The following ARID2 variants were observed in gnomAD, a reference collection of about 807,000 sequenced individuals.
ARID2 encodes AT-rich interaction domain 2.
In ARID2, 32 loss-of-function variants were observed where a neutral mutation model predicts 184.6. The observed-to-expected ratio is 0.17, with a 90% CI of 0.13 to 0.23. The LOEUF (loss-of-function observed/expected upper bound fraction) is 0.23, where lower values mean the gene tolerates loss of function less well. Ranked by LOEUF, ARID2 falls within the 10% of genes least tolerant of loss-of-function variation. The pLI is 1.00. For missense variants in ARID2, 1,696 were observed against 2,197.6 expected (o/e 0.77, Z 4.56); for synonymous variants, 836 against 772.6 (o/e 1.08, Z -1.36).
At chr12:45,732,933 T>A (rs891527321) in intron 3 of ARID2, among the ~76,000 whole-genome samples, 1 of 152,166 alleles carries the variant, frequency 6.6e-6, no homozygotes, top group Admixed American at 6.5e-5. Context: ...AATATTGTTT[T>A]TCCAGTTGTC....
Position 45,811,491 on chromosome 12 carries a change from C to T in ARID2, c.358C>T (p.Pro120Ser), listed in dbSNP as rs1025267667. 8.1e-6 allele frequency: 13 copies of T among 1,613,768 alleles called. No homozygotes were observed. The highest frequency in any genetic ancestry group is 1.0e-5 in the Non-Finnish European group (12 of 1,179,852). Residue 120 changes from proline to serine, a missense_variant, in exon 4 of 21, where the codon CCA becomes TCA. Coordinates refer to ENST00000334344, the MANE Select transcript of ARID2 (RefSeq NM_152641.4). ...DDEVPPGNPK[P>S]QLPIGAIPSS... Reference sequence around the variant, plus strand: ...TGAGGTACCACCAGGCAATCCAAAGCCACAGCTTCCTATTGGTGCAATTCC... The same window carrying T: ...TGAGGTACCACCAGGCAATCCAAAGTCACAGCTTCCTATTGGTGCAATTCC...
chr12:45,789,021 C>T (rs1201945132), intron 3 of ARID2, among the ~76,000 whole-genome samples: 3 of 150,760 alleles, frequency 2.0e-5, no homozygotes, highest in African/African-American at 7.3e-5. Flanking sequence ...GCCTGATAAT[C>T]TATTATATTA....
intron 15 of ARID2, among the ~76,000 whole-genome samples, chr12:45,859,599 A>G (rs1394640214): frequency 2.0e-5 from 3 of 152,172 alleles, no homozygotes; most frequent in Non-Finnish European, 4.4e-5. Flanking sequence ...CCTTTGTGGT[A>G]TTTCAAGAAA....
chr12:45,829,774 C>T (rs954157475), intron 6 of ARID2, among the ~76,000 whole-genome samples: 19 of 132,248 alleles, frequency 1.4e-4, no homozygotes, highest in African/African-American at 5.4e-4. Flanking sequence ...TGTTTTCTGC[C>T]TTTTCTTCTA....
Position 45,907,053 on chromosome 12 carries a change from T to C in ARID2, c.*1975T>C. On this transcript the variant is annotated 3_prime_UTR_variant, in exon 21 of 21. Transcript: ENST00000334344. ...GAGGATCCCTGGCGCTGTCCTGCCATGTCTCAAAGGAATGTTTGAGAAACT... is the reference window on the plus strand; with the variant it reads ...GAGGATCCCTGGCGCTGTCCTGCCACGTCTCAAAGGAATGTTTGAGAAACT... 1 of 231,904 alleles carries C rather than the reference T, an allele frequency of 4.3e-6. No homozygotes were observed. The highest frequency in any genetic ancestry group is 8.5e-6 in the Non-Finnish European group (1 of 117,206). The allele number at this position is 231,904 out of a possible 1,614,324, so 14.4% of individuals were successfully genotyped here. A position where few individuals can be genotyped will look rare whatever the true frequency, so the allele number is the denominator to read the frequency against.
intron 3 of ARID2, among the ~76,000 whole-genome samples, chr12:45,792,488 G>A (rs916512935): frequency 6.6e-6 from 1 of 152,140 alleles, no homozygotes; most frequent in African/African-American, 2.4e-5. Context: ...AGTATGTTGT[G>A]CATTGTAACG....
chr12:45,807,208 A>G (rs980673040), intron 3 of ARID2, among the ~76,000 whole-genome samples: 1 of 152,154 alleles, frequency 6.6e-6, no homozygotes, highest in African/African-American at 2.4e-5. Context: ...TTTTCTCTCT[A>G]AAGTTTATTG....
At chr12:45,742,262 A>G (rs369112533) in intron 3 of ARID2, among the ~76,000 whole-genome samples, 2 of 151,796 alleles carry the variant, frequency 1.3e-5, no homozygotes, top group African/African-American at 4.9e-5. Context: ...TAATATTTTT[A>G]CTTTACCTTT....
intron 3 of ARID2, among the ~76,000 whole-genome samples, chr12:45,733,276 T>G (rs1361516243): frequency 6.6e-6 from 1 of 152,220 alleles, no homozygotes; most frequent in Non-Finnish European, 1.5e-5. Context: ...GAAAGAATTT[T>G]TTCCTGGTGG....
chr12:45,732,938 G>A (rs1395649947), intron 3 of ARID2, among the ~76,000 whole-genome samples: 1 of 151,948 alleles, frequency 6.6e-6, no homozygotes, highest in East Asian at 1.9e-4. Flanking sequence ...TGTTTTTCCA[G>A]TTGTCATTTT....
chr12:45,820,632 G>A (rs941522756), intron 5 of ARID2, among the ~76,000 whole-genome samples: 2 of 152,072 alleles, frequency 1.3e-5, no homozygotes, highest in African/African-American at 4.8e-5. Context: ...AGTTGATAAA[G>A]GATTCACTTA....
At chr12:45,740,669 A>G (rs1350820736) in intron 3 of ARID2, among the ~76,000 whole-genome samples, 1 of 152,188 alleles carries the variant, frequency 6.6e-6, no homozygotes, top group African/African-American at 2.4e-5. Flanking sequence ...TGTAGACCTT[A>G]AATCAAATTT....
intron 3 of ARID2, among the ~76,000 whole-genome samples, chr12:45,809,445 C>G (rs950836599): frequency 1.3e-5 from 2 of 152,146 alleles, no homozygotes; most frequent in African/African-American, 4.8e-5. Flanking sequence ...GAGCTTGATT[C>G]ATTTACCTAC....
intron 3 of ARID2, among the ~76,000 whole-genome samples, chr12:45,784,649 G>A (rs777945366): frequency 3.9e-5 from 6 of 152,152 alleles, no homozygotes; most frequent in African/African-American, 7.2e-5. Context: ...GAGTGACAGA[G>A]TGAGACCTTG....
At chr12:45,854,180 A>G (rs1308435536) in intron 15 of ARID2, among the ~76,000 whole-genome samples, 4 of 152,184 alleles carry the variant, frequency 2.6e-5, no homozygotes, top group Non-Finnish European at 5.9e-5. Context: ...CATTCCCCAG[A>G]TGGGACTGTC....
At chr12:45,883,193 T>C (rs1257324597) in intron 16 of ARID2, among the ~76,000 whole-genome samples, 1 of 152,180 alleles carries the variant, frequency 6.6e-6, no homozygotes, top group African/African-American at 2.4e-5. Context: ...CCTTAACTAC[T>C]GATTTGCCAT....
intron 6 of ARID2, among the ~76,000 whole-genome samples, chr12:45,826,846 G>A (rs1266440620): frequency 2.0e-5 from 3 of 151,992 alleles, no homozygotes; most frequent in Non-Finnish European, 2.9e-5. Flanking sequence ...TACATCTATC[G>A]AGTCTTTTCT....
chr12:45,808,934 T>C (rs1331093382), intron 3 of ARID2, among the ~76,000 whole-genome samples: 1 of 152,100 alleles, frequency 6.6e-6, no homozygotes, highest in Admixed American at 6.5e-5. Flanking sequence ...CCAGCTAATT[T>C]TTGTATTTCT....
At chr12:45,735,133 A>G (rs1350488922) in intron 3 of ARID2, among the ~76,000 whole-genome samples, 1 of 151,856 alleles carries the variant, frequency 6.6e-6, no homozygotes, top group African/African-American at 2.4e-5. Context: ...TTGGTGGGTA[A>G]AGCTCTTTCT....
Sources: gnomAD v4.1 joint callset for allele counts (sites outside exome capture counted in the v4.1 genomes callset) on GRCh38, gnomAD v4.1.1 for gene constraint, MANE v1.5 for transcripts, NCBI Gene and HGNC (gene_info 2026-07-23, HGNC 2026-07-21) for gene names.